The following FAM135B variants were observed in gnomAD, a reference collection of about 807,000 sequenced individuals.
FAM135B encodes family with sequence similarity 135 member B.
In FAM135B, 43 loss-of-function variants were observed where a neutral mutation model predicts 127.7. The observed-to-expected ratio is 0.34, with a 90% confidence interval of 0.26 to 0.43. The LOEUF is 0.43. Among genes scored for constraint, FAM135B ranks in the 20% least tolerant of loss-of-function variants. The pLI, the probability that FAM135B is intolerant of heterozygous loss-of-function variation, is 1.00. For synonymous variants in FAM135B, 670 were observed against 665.1 expected, an observed-to-expected ratio of 1.01 and a Z score of -0.11; for missense variants, 1,558 against 1,725.6, an observed-to-expected ratio of 0.90 and a Z score of 1.72.
intron 3 of FAM135B, among the ~76,000 whole-genome samples, chr8:138,269,977 A>C (rs1171724134): frequency 6.6e-6 from 1 of 152,200 alleles, no homozygotes; most frequent in Non-Finnish European, 1.5e-5. Context: ...AAAGATTGTA[A>C]GCAATAGGCA....
At chr8:138,488,968 G>A (rs1327315102) in intron 1 of FAM135B, among the ~76,000 whole-genome samples, 1 of 152,076 alleles carries the variant, frequency 6.6e-6, no homozygotes, top group Non-Finnish European at 1.5e-5. Context: ...CCCGGCGTTT[G>A]TTTGATTTTT....
intron 13 of FAM135B, among the ~76,000 whole-genome samples, chr8:138,150,973 A>G (rs1377477995): frequency 6.6e-6 from 1 of 152,094 alleles, no homozygotes; most frequent in Non-Finnish European, 1.5e-5. Flanking sequence ...TTGAAGGTAG[A>G]CTTATTGACC....
At chr8:138,185,501 G>A (rs1406846139) in intron 9 of FAM135B, among the ~76,000 whole-genome samples, 1 of 152,140 alleles carries the variant, frequency 6.6e-6, no homozygotes, top group African/African-American at 2.4e-5. Flanking sequence ...ACTGGTCAAA[G>A]CAAACAAACA....
intron 11 of FAM135B, among the ~76,000 whole-genome samples, chr8:138,174,281 G>A (rs183775482): frequency 1.6e-3 from 238 of 152,264 alleles, no homozygotes; most frequent in Non-Finnish European, 1.0e-3. Flanking sequence ...CACCTGTGCC[G>A]TCACCTACAT....
chr8:138,149,225 C>T (rs761494626), intron 13 of FAM135B, among the ~76,000 whole-genome samples: 1 of 151,988 alleles, frequency 6.6e-6, no homozygotes, highest in Non-Finnish European at 1.5e-5. Context: ...TTTGGTTCTG[C>T]AGATGCTTAT....
In FAM135B at chr8:138,242,052, C is replaced by T. The variant is rs1820828588; in HGVS notation, c.669+890G>A. Among the ~76,000 whole-genome samples, 1 of 152,012 alleles carries T rather than the reference C, an allele frequency of 6.6e-6. No individual in the cohort carries two copies. On this transcript the variant is annotated intron_variant, in intron 7 of 19. Coordinates refer to ENST00000395297, the MANE Select transcript of FAM135B (RefSeq NM_015912.4). This position sits in a 1 kb window ranked among gnomAD's most constrained non-coding sequence, Gnocchi z 9.6. ...CTTTCCTGGTTCTGAGGCCTTTAGC[C>T]TTGGACTGGAATGATACCACCTGCA... is the stretch of plus-strand genomic sequence containing the variant.
At chr8:138,263,791 A>G (rs1822715605) in intron 4 of FAM135B, among the ~76,000 whole-genome samples, 1 of 152,184 alleles carries the variant, frequency 6.6e-6, no homozygotes, top group African/African-American at 2.4e-5. Context: ...TACAAGTTAA[A>G]TTCATTCATT....
intron 2 of FAM135B, among the ~76,000 whole-genome samples, chr8:138,353,893 A>T (rs751606599): frequency 1.3e-5 from 2 of 151,986 alleles, no homozygotes; most frequent in African/African-American, 2.4e-5. Context: ...CAGATATCCC[A>T]TTGCCTTTAG....
At chr8:138,448,745 C>T (rs1034894183) in intron 1 of FAM135B, among the ~76,000 whole-genome samples, 1 of 150,688 alleles carries the variant, frequency 6.6e-6, no homozygotes, top group Admixed American at 6.6e-5. Context: ...CATAATCACA[C>T]AAGCCTATAC....
intron 19 of FAM135B, among the ~76,000 whole-genome samples, chr8:138,133,933 G>A (rs4645602): frequency 0.6 from 90,722 of 151,794 alleles, 27,518 homozygotes; most frequent in Non-Finnish European, 0.64. Flanking sequence ...GAATTGTAAC[G>A]TGAAATTGAA....
chr8:138,206,873 C>A (rs112095282), intron 7 of FAM135B, among the ~76,000 whole-genome samples: 540 of 24,116 alleles, frequency 0.022, no homozygotes, highest in South Asian at 0.033. Context: ...CTCCACCTAC[C>A]CACAGCTCTA....
chr8:138,328,233 G>A (rs1190499657), intron 2 of FAM135B, among the ~76,000 whole-genome samples: 1 of 152,042 alleles, frequency 6.6e-6, no homozygotes, highest in Non-Finnish European at 1.5e-5. Flanking sequence ...GACTTATTCA[G>A]GTTTCACCCA....
intron 4 of FAM135B, among the ~76,000 whole-genome samples, chr8:138,257,002 C>CA (rs960953389): frequency 3.6e-4 from 54 of 151,706 alleles, no homozygotes; most frequent in African/African-American, 5.1e-4. Context: ...AGTCAGTTTG[C>CA]AAAAAAAATG....
In FAM135B at chr8:138,460,500, C is replaced by T. The variant is rs568657880; in HGVS notation, c.-20+36171G>A. Among the ~76,000 whole-genome samples, 226 of 152,308 alleles carry T rather than the reference C, an allele frequency of 1.5e-3. 3 individuals carry two copies. The highest frequency in any genetic ancestry group is 2.4e-3 in the Non-Finnish European group (162 of 68,026). On this transcript the variant is annotated intron_variant, in intron 1 of 19. Coordinates refer to ENST00000395297, the MANE Select transcript of FAM135B (RefSeq NM_015912.4). ...CACACCAACAGGGCCTTCACCCAAA[C>T]ATGGCAGGGACTGTCTAACCCAAGA...
At chr8:138,260,385 G>A (rs1009655340) in intron 4 of FAM135B, among the ~76,000 whole-genome samples, 1 of 152,096 alleles carries the variant, frequency 6.6e-6, no homozygotes, top group Non-Finnish European at 1.5e-5. Context: ...ATCCATCGCC[G>A]AATCACGGGC....
intron 1 of FAM135B, among the ~76,000 whole-genome samples, chr8:138,404,909 C>T (rs1380489517): frequency 1.3e-5 from 2 of 152,110 alleles, no homozygotes; most frequent in African/African-American, 4.8e-5. Flanking sequence ...GTTCTGTTAA[C>T]GTTGATATTT....
At chr8:138,150,488 T>C (rs1333410971) in intron 13 of FAM135B, among the ~76,000 whole-genome samples, 2 of 152,160 alleles carry the variant, frequency 1.3e-5, no homozygotes, top group South Asian at 4.2e-4. Flanking sequence ...GCCAACATGG[T>C]GAAACCCCGT....
In FAM135B at chr8:138,243,823, C is replaced by T. The variant is rs1456231330; in HGVS notation, c.543-755G>A. On this transcript the variant is annotated intron_variant, in intron 6 of 19. Coordinates refer to ENST00000395297, the MANE Select transcript of FAM135B (RefSeq NM_015912.4). This position sits in a 1 kb window ranked among gnomAD's most constrained non-coding sequence, Gnocchi z 7.5. ...GATATACCAGTAATGTTCACTTATA[C>T]TCATATTCTTTTTTAGATCTCTTCT... Among the ~76,000 whole-genome samples, 1 of 152,162 alleles carries T rather than the reference C, an allele frequency of 6.6e-6. No individual in the cohort carries two copies. Among genetic ancestry groups the T allele is most frequent in the Non-Finnish European group, 1.5e-5 (1 of 68,028 alleles).
chr8:138,368,646 G>T (rs1005130268), intron 1 of FAM135B, among the ~76,000 whole-genome samples: 10 of 152,148 alleles, frequency 6.6e-5, no homozygotes, highest in African/African-American at 2.4e-4. Flanking sequence ...GAGCATGTGG[G>T]TGCTGCTGCC....
Sources: allele counts gnomAD v4.1 joint callset (sites outside exome capture counted in the v4.1 genomes callset), GRCh38; gene constraint gnomAD v4.1.1; non-coding constraint Gnocchi (gnomAD v3.1); transcripts MANE v1.5; gene names NCBI Gene and HGNC (gene_info 2026-07-23, HGNC 2026-07-21).